FRAS1: variants seen among roughly 807,000 people sequenced by gnomAD.
FRAS1 encodes extracellular matrix organizing protein FRAS1.
Under a neutral mutation model 435.2 loss-of-function variants are expected in FRAS1, and 290 were observed. That is an observed-to-expected ratio of 0.67 (90% CI 0.61 to 0.73). The LOEUF is 0.73. Among genes scored for constraint, FRAS1 ranks in the 30% least tolerant of loss-of-function variants. The pLI is 0.00. For synonymous variants in FRAS1, 1,800 were observed against 1,851.0 expected (o/e 0.97, Z 0.71); for missense variants, 4,860 against 5,001.5 (o/e 0.97, Z 0.85).
intron 23 of FRAS1, 113 bp from the exon 24 acceptor site, chr4:78,372,605 T>C: frequency 7.8e-7 from 1 of 1,288,714 alleles, no homozygotes. Flanking sequence ...CTGACATCTC[T>C]TACGTTGTCC....
At chr4:78,483,624 T>C (rs1489622675) in intron 58 of FRAS1, among the ~76,000 whole-genome samples, 2 of 151,740 alleles carry the variant, frequency 1.3e-5, no homozygotes, top group Non-Finnish European at 2.9e-5. Context: ...TATATAGTAG[T>C]AAACAATTCA....
chr4:78,088,608 A>C (rs1297378117), intron 2 of FRAS1, among the ~76,000 whole-genome samples: 1 of 152,238 alleles, frequency 6.6e-6, no homozygotes, highest in Non-Finnish European at 1.5e-5. Flanking sequence ...CCCATCAAAA[A>C]GTGGGCAAAG....
At chr4:78,083,862 C>A (rs1237063661) in intron 2 of FRAS1, among the ~76,000 whole-genome samples, 1 of 152,018 alleles carries the variant, frequency 6.6e-6, no homozygotes, top group Non-Finnish European at 1.5e-5. Context: ...GATACTCTAT[C>A]ATTGCTTCCT....
chr4:78,193,684 T>C (rs1055289864), intron 2 of FRAS1, among the ~76,000 whole-genome samples: 46 of 152,314 alleles, frequency 3.0e-4, no homozygotes, highest in African/African-American at 1.1e-3. Flanking sequence ...TGAGATGGGT[T>C]ACCTGAATAC....
At chr4:78,462,366 C>T (rs979405906) in intron 47 of FRAS1, among the ~76,000 whole-genome samples, 3 of 151,664 alleles carry the variant, frequency 2.0e-5, no homozygotes, top group African/African-American at 7.3e-5. Context: ...CAAAGTGAGA[C>T]CCTGTCTCAG....
At chr4:78,507,676 A>T in intron 62 of FRAS1, 68 bp downstream of exon 62, 5 of 1,430,118 alleles carry the variant, frequency 3.5e-6, no homozygotes, top group Non-Finnish European at 4.7e-6. Context: ...ACTGAAGGGA[A>T]GTACTCTATT....
chr4:78,060,361 G>T (rs1244277110), intron 1 of FRAS1, among the ~76,000 whole-genome samples: 3 of 152,186 alleles, frequency 2.0e-5, no homozygotes, highest in Non-Finnish European at 4.4e-5. Flanking sequence ...ATAGAAAAGA[G>T]ACATTCACAT....
intron 2 of FRAS1, among the ~76,000 whole-genome samples, chr4:78,232,355 G>A (rs956065312): frequency 9.3e-5 from 14 of 150,826 alleles, no homozygotes; most frequent in African/African-American, 3.4e-4. Context: ...GTGCGATCTC[G>A]GCTCACTGCA....
intron 58 of FRAS1, among the ~76,000 whole-genome samples, chr4:78,483,758 A>T: frequency 1.1e-5 from 1 of 91,236 alleles, no homozygotes; most frequent in Non-Finnish European, 2.1e-5. Context: ...CCTTCAGGAG[A>T]AAAAAAAAAC....
At position 78,421,902 on chromosome 4, in the gene FRAS1, G is replaced by A. The variant is rs566595838; in HGVS notation, c.4580G>A (p.Arg1527Gln). 216 of 1,613,718 alleles carry A rather than the reference G, an allele frequency of 1.3e-4. 5 individuals are homozygous for A. The South Asian group carries it at 2.0e-3, about 15-fold the overall frequency. ...CGGGACCACCCTCACTCTCCTATCC[G>A]GTATTTCACGCAAGAGGATATTAAC... ...EHRDHPHSPIRYFTQEDINQG... is the reference protein window; with the variant it reads ...EHRDHPHSPIQYFTQEDINQG... The change falls in exon 34 of 74, where the codon CGG becomes CAG. Residue 1527 changes from arginine to glutamine, a missense_variant. By Grantham distance (43) the Arg-to-Gln change is conservative. Coordinates refer to ENST00000512123, the MANE Select transcript of FRAS1 (RefSeq NM_025074.7).
At chr4:78,151,326 C>G (rs1360554063) in intron 2 of FRAS1, among the ~76,000 whole-genome samples, 1 of 151,976 alleles carries the variant, frequency 6.6e-6, no homozygotes, top group Non-Finnish European at 1.5e-5. Context: ...TACTTTGTTC[C>G]AAAATGTTTA....
chr4:78,106,176 C>A (rs1159780019), intron 2 of FRAS1, among the ~76,000 whole-genome samples: 4 of 94,558 alleles, frequency 4.2e-5, no homozygotes, highest in African/African-American at 7.8e-5. Flanking sequence ...GGGGGAGGGG[C>A]GCCCGCCATT....
rs1719033697 is a variant in FRAS1 at position 78,451,911 on chromosome 4, T to C, written c.6583+20T>C. 6.3e-7 allele frequency: 1 copy of C among 1,596,660 alleles called. No homozygotes were observed. On this transcript the variant is annotated intron_variant, in intron 46 of 73. Transcript: ENST00000512123. ...TTCTAGGTAAAGAGACATTTGATTT[T>C]CTAATATAAAACTATTTTAGCAGTT...
intron 35 of FRAS1, among the ~76,000 whole-genome samples, chr4:78,428,727 A>G (rs1734094893): frequency 1.3e-5 from 2 of 152,304 alleles, no homozygotes; most frequent in African/African-American, 4.8e-5. Context: ...ATCAAGAAAT[A>G]TTTCCATAAT....
chr4:78,089,263 A>G lies in FRAS1; in HGVS notation c.108+23247A>G, dbSNP rs541072906. 2.4e-3 allele frequency among the ~76,000 whole-genome samples: 292 copies of G among 119,390 alleles called. 1 individual carries two copies. Among genetic ancestry groups the G allele is most frequent in the African/African-American group, 8.6e-3 (272 of 31,446 alleles). The allele number at this position is 119,390 out of a possible 152,430, so 78.3% of individuals were successfully genotyped here. A position where few individuals can be genotyped will look rare whatever the true frequency, so the allele number is the denominator to read the frequency against. On this transcript the variant is annotated intron_variant, in intron 2 of 73. Coordinates refer to ENST00000512123, the MANE Select transcript of FRAS1 (RefSeq NM_025074.7). ...ATGGACATAGGAAGGGGAACATCAC[A>G]CACTGGGGCCTGTTGTGTGGTGGGG...
At chr4:78,232,500 T>C (rs1390137660) in intron 2 of FRAS1, among the ~76,000 whole-genome samples, 6 of 152,088 alleles carry the variant, frequency 3.9e-5, no homozygotes, top group Non-Finnish European at 7.4e-5. Flanking sequence ...TTAGCCAGTA[T>C]GGTTTCAATC....
intron 22 of FRAS1, among the ~76,000 whole-genome samples, chr4:78,365,406 A>T (rs1560682433): frequency 1.3e-5 from 2 of 152,180 alleles, no homozygotes; most frequent in African/African-American, 2.4e-5. Flanking sequence ...TTCAGGAGCA[A>T]GAGAGTGCTG....
chr4:78,421,018 C>A (rs1254130846), intron 33 of FRAS1, among the ~76,000 whole-genome samples: 1 of 151,146 alleles, frequency 6.6e-6, no homozygotes, highest in Non-Finnish European at 1.5e-5. Flanking sequence ...GGCAGTTTGA[C>A]TCCCAAAACT....
chr4:78,303,098 C>G (rs1728505098), intron 14 of FRAS1, among the ~76,000 whole-genome samples: 1 of 152,088 alleles, frequency 6.6e-6, no homozygotes, highest in African/African-American at 2.4e-5. Context: ...TTCCCAGCAC[C>G]ATTTATTAAA....
Sources: allele counts gnomAD v4.1 joint callset (sites outside exome capture counted in the v4.1 genomes callset), GRCh38; gene constraint gnomAD v4.1.1; transcripts MANE v1.5; gene names NCBI Gene and HGNC (gene_info 2026-07-23, HGNC 2026-07-21).